The following POTEC variants were observed in gnomAD, a reference collection of about 807,000 sequenced individuals.
POTEC encodes POTE ankyrin domain family member C.
A neutral mutation model predicts 62.0 loss-of-function variants in POTEC; 35 were observed. The observed-to-expected ratio is 0.56, with a 90% CI of 0.43 to 0.75. The LOEUF (loss-of-function observed/expected upper bound fraction) is 0.75, where lower values mean the gene tolerates loss of function less well. Among genes scored for constraint, POTEC ranks in the 30% least tolerant of loss-of-function variants. POTEC has a pLI of 0.00. For missense variants in POTEC, 472 were observed against 655.9 expected, an observed-to-expected ratio of 0.72 and a Z score of 3.06; for synonymous variants, 156 against 221.5, an observed-to-expected ratio of 0.70 and a Z score of 2.62.
chr18:14,540,362 T>G (rs1905890834), intron 1 of POTEC, among the ~76,000 whole-genome samples: 1 of 152,188 alleles, frequency 6.6e-6, no homozygotes, highest in Admixed American at 6.5e-5. Context: ...TTTCAGATGT[T>G]CATTGCAGAA....
chr18:14,537,217 A>ACC (rs1905766473), intron 3 of POTEC, among the ~76,000 whole-genome samples: 2 of 132,242 alleles, frequency 1.5e-5, no homozygotes, highest in South Asian at 5.5e-4. Context: ...ACACAAAAAA[A>ACC]AAAAAAAACA....
chr18:14,514,297 G>A (rs1300203609), intron 9 of POTEC, among the ~76,000 whole-genome samples: 2 of 151,858 alleles, frequency 1.3e-5, no homozygotes, highest in South Asian at 4.2e-4. Flanking sequence ...TGATCTGACA[G>A]GAGGAGGAGC....
chr18:14,535,450 G>A (rs1251169052), intron 3 of POTEC, among the ~76,000 whole-genome samples: 1 of 151,884 alleles, frequency 6.6e-6, no homozygotes, highest in East Asian at 1.9e-4. Flanking sequence ...AAGCTCCAAC[G>A]TGCAATAAAT....
At chr18:14,535,188 C>T (rs539758627) in intron 3 of POTEC, among the ~76,000 whole-genome samples, 181 bp from the exon 4 acceptor site, 3 of 149,590 alleles carry the variant, frequency 2.0e-5, no homozygotes, top group Admixed American at 6.7e-5. Flanking sequence ...TTCTCTGCCT[C>T]ACCACATTAA....
At position 14,510,129 on chromosome 18, in the gene POTEC, C is replaced by T. The variant is rs376635537; in HGVS notation, c.*1769G>A. On this transcript the variant is annotated 3_prime_UTR_variant, in exon 11 of 11. Coordinates refer to ENST00000358970, the MANE Select transcript of POTEC (RefSeq NM_001137671.2). ...AGTTAGCAGTTACTTAATGTAATCA[C>T]CCCAGGATGGAGGGTCTGTGTTGTG... 9,952 of 151,548 alleles carry T rather than the reference C, an allele frequency of 0.066. 356 individuals are homozygous for T. The highest frequency in any genetic ancestry group is 0.12 in the Middle Eastern group (34 of 294). The allele number at this position is 151,548 out of a possible 1,614,324, so 9.4% of individuals were successfully genotyped here. A position where few individuals can be genotyped will look rare whatever the true frequency, so the allele number is the denominator to read the frequency against.
chr18:14,536,679 T>A (rs1299908332), intron 3 of POTEC, among the ~76,000 whole-genome samples: 1 of 152,152 alleles, frequency 6.6e-6, no homozygotes, highest in Non-Finnish European at 1.5e-5. Context: ...GCTAGTGCAA[T>A]AGACAATTAT....
Position 14,511,908 on chromosome 18 carries a change from T to C in POTEC, c.1619A>G (p.Asp540Gly). 1 of 1,613,812 alleles carries C rather than the reference T, an allele frequency of 6.2e-7. No individual in the cohort carries two copies. The highest frequency in any genetic ancestry group is 1.1e-5 in the South Asian group (1 of 91,074). Residue 540 changes from aspartate (D) to glycine (G), a missense_variant, in exon 11 of 11, where the codon GAC (aspartate) becomes GGC (glycine). Asp to Gly is a moderately conservative substitution (Grantham distance 94, BLOSUM62 -1). Transcript: ENST00000358970. ...QEEIAMLISG[D>G]WN The stretch of plus-strand genomic sequence containing the variant: ...GATGTTTTGTTTCATCTAGTTCCAG[T>C]CTCCAGAAATTAGCATGGCAATTTC...
chr18:14,510,766 G>A lies in POTEC; in HGVS notation c.*1132C>T, dbSNP rs1231025075. 2.6e-5 allele frequency: 4 copies of A among 152,160 alleles called. No homozygotes were observed. The highest frequency in any genetic ancestry group is 4.8e-5 in the African/African-American group (2 of 41,424). 9.4% of individuals were successfully genotyped at this position (152,160 alleles called of 1,614,324 possible). A position where few individuals can be genotyped will look rare whatever the true frequency, so the allele number is the denominator to read the frequency against. On this transcript the variant is annotated 3_prime_UTR_variant, in exon 11 of 11. Transcript: ENST00000358970. ...TTGTTTAAAAAAGAAGTCTGGCCACGTTTTTGTAGAGTGGCTATGCTGTGT... is the reference window on the plus strand; with the variant it reads ...TTGTTTAAAAAAGAAGTCTGGCCACATTTTTGTAGAGTGGCTATGCTGTGT...
At chr18:14,513,179 T>G (rs1405857969) in intron 10 of POTEC, among the ~76,000 whole-genome samples, 7 of 151,668 alleles carry the variant, frequency 4.6e-5, no homozygotes, top group Admixed American at 4.6e-4. Context: ...AGCAAACTGT[T>G]CCTCTCCTCA....
intron 3 of POTEC, among the ~76,000 whole-genome samples, chr18:14,537,212 A>ACACAC (rs1905763794): frequency 0.032 from 1,937 of 60,154 alleles, 10 homozygotes; most frequent in Middle Eastern, 0.061. Flanking sequence ...CACACACACA[A>ACACAC]AAAAAAAAAA....
intron 9 of POTEC, among the ~76,000 whole-genome samples, chr18:14,516,338 C>CTATG (rs1910158165): frequency 9.9e-5 from 3 of 30,238 alleles, no homozygotes; most frequent in African/African-American, 4.1e-4. Context: ...ATATATATAC[C>CTATG]TATACCTGAG....
intron 9 of POTEC, among the ~76,000 whole-genome samples, chr18:14,514,424 G>T (rs1448943601): frequency 6.6e-6 from 1 of 152,144 alleles, no homozygotes; most frequent in Non-Finnish European, 1.5e-5. Context: ...ACTGGTACTG[G>T]TCTGTGGCCT....
chr18:14,517,541 C>T (rs1189029269), intron 9 of POTEC, among the ~76,000 whole-genome samples: 1 of 120,620 alleles, frequency 8.3e-6, no homozygotes, highest in South Asian at 2.9e-4. Context: ...ATTAAATGTG[C>T]CACCCTAATT....
rs1033880271 is a variant in POTEC at position 14,510,143 on chromosome 18, G to T, written c.*1755C>A. 2 of 152,038 alleles carry T rather than the reference G, an allele frequency of 1.3e-5. No individual in the cohort carries two copies. Among genetic ancestry groups the T allele is most frequent in the Non-Finnish European group, 2.9e-5 (2 of 68,106 alleles). 9.4% of individuals were successfully genotyped at this position (152,038 alleles called of 1,614,324 possible). A position where few individuals can be genotyped will look rare whatever the true frequency, so the allele number is the denominator to read the frequency against. On this transcript the variant is annotated 3_prime_UTR_variant, in exon 11 of 11. Coordinates refer to ENST00000358970, the MANE Select transcript of POTEC (RefSeq NM_001137671.2). ...TAATGTAATCACCCCAGGATGGAGGGTCTGTGTTGTGGGCCCAAGCCACGG... is the reference window on the plus strand; with the variant it reads ...TAATGTAATCACCCCAGGATGGAGGTTCTGTGTTGTGGGCCCAAGCCACGG...
chr18:14,526,792 G>A lies in POTEC; in HGVS notation c.1127-1809C>T, dbSNP rs550084259. 4.6e-5 allele frequency among the ~76,000 whole-genome samples: 7 copies of A among 152,222 alleles called. No homozygotes were observed. The South Asian group carries it at 1.5e-3, about 32-fold the overall frequency. On this transcript the variant is annotated intron_variant, in intron 6 of 10. Coordinates refer to ENST00000358970, the MANE Select transcript of POTEC (RefSeq NM_001137671.2). ...AAAGCCTTATGTGTACTTTTAAGAT[G>A]CTTAGACATTAACGTTCAAGAGTGG...
chr18:14,534,663 A>G (rs1430586459), intron 4 of POTEC, among the ~76,000 whole-genome samples: 1 of 150,246 alleles, frequency 6.7e-6, no homozygotes, highest in African/African-American at 2.5e-5. Flanking sequence ...AAGATCATGT[A>G]ACCAAAAACA....
At chr18:14,532,572 T>C (rs973052492) in intron 5 of POTEC, among the ~76,000 whole-genome samples, 2 of 152,086 alleles carry the variant, frequency 1.3e-5, no homozygotes, top group African/African-American at 4.8e-5. Flanking sequence ...AACAACAGAA[T>C]GATTGGAATG....
rs1359966291 is a variant in POTEC at position 14,508,138 on chromosome 18, G to A, written c.*3760C>T. The A allele has an allele frequency of 6.6e-6, 1 of 152,184 alleles. No homozygotes were observed. The highest frequency in any genetic ancestry group is 1.9e-4 in the East Asian group (1 of 5,190). 9.4% of individuals were successfully genotyped at this position (152,184 alleles called of 1,614,324 possible). ...CTGGCTAGGTTGGGGACATTCTCAT[G>A]AATGATATTCTGAAATGTGTTTTCC... On this transcript the variant is annotated 3_prime_UTR_variant, in exon 11 of 11. Transcript: ENST00000358970.
At chr18:14,519,757 G>C (rs1016185400) in intron 9 of POTEC, among the ~76,000 whole-genome samples, 9 of 151,846 alleles carry the variant, frequency 5.9e-5, no homozygotes, top group African/African-American at 2.2e-4. Context: ...GAAGATTGAG[G>C]AGTGAGCCCT....
Sources: gnomAD v4.1 joint callset for allele counts (sites outside exome capture counted in the v4.1 genomes callset) on GRCh38, gnomAD v4.1.1 for gene constraint, MANE v1.5 for transcripts, NCBI Gene and HGNC (gene_info 2026-07-23, HGNC 2026-07-21) for gene names.